Variants in CHL1 observed in about 807,000 individuals in gnomAD.
CHL1 encodes cell adhesion molecule L1 like.
Under a neutral mutation model 141.9 loss-of-function variants are expected in CHL1, and 96 were observed. The ratio of observed to expected loss-of-function variants is 0.68; its 90% confidence interval spans 0.57 to 0.80. CHL1 has a LOEUF of 0.80. CHL1 is among the 30% of genes least tolerant of loss of function. The pLI is 0.00. For synonymous variants in CHL1, 613 were observed against 502.2 expected (o/e 1.22, Z -2.95); for missense variants, 1,820 against 1,457.2 (o/e 1.25, Z -4.05).
intron 1 of CHL1, among the ~76,000 whole-genome samples, chr3:228,547 C>T (rs1701579352): frequency 6.6e-6 from 1 of 152,054 alleles, no homozygotes; most frequent in Non-Finnish European, 1.5e-5. Flanking sequence ...GGTTACTTTC[C>T]ATCTCTATTT....
chr3:202,448 G>A (rs950914086), intron 1 of CHL1, among the ~76,000 whole-genome samples: 2 of 152,140 alleles, frequency 1.3e-5, no homozygotes, highest in African/African-American at 4.8e-5. Context: ...ATATTTAAAA[G>A]GTTTTCGCAA....
intron 2 of CHL1, among the ~76,000 whole-genome samples, chr3:318,890 C>T (rs1467957845): frequency 2.6e-5 from 4 of 151,422 alleles, no homozygotes; most frequent in African/African-American, 7.3e-5. Context: ...TAAAAAAGAA[C>T]CACTTTTTAA....
rs527780759 is a variant in CHL1, at chr3:342,162, T to C, written c.679+80T>C. 3.5e-5 allele frequency: 46 copies of C among 1,309,342 alleles called. 1 individual carries two copies. In the South Asian group the frequency reaches 4.3e-4, roughly 12 times the overall value. The allele number at this position is 1,309,342 out of a possible 1,614,324, so 81.1% of individuals were successfully genotyped here. A position where few individuals can be genotyped will look rare whatever the true frequency, so the allele number is the denominator to read the frequency against. On this transcript the variant is annotated intron_variant, in intron 7 of 27. Coordinates refer to ENST00000256509, the MANE Select transcript of CHL1 (RefSeq NM_006614.4). Reference sequence around the variant, plus strand: ...TAATTTCCTTCTGGCTGAAGCCATTTAAAGCTGGGTTGATATTTTGCACCA... The same window carrying C: ...TAATTTCCTTCTGGCTGAAGCCATTCAAAGCTGGGTTGATATTTTGCACCA...
intron 1 of CHL1, among the ~76,000 whole-genome samples, chr3:202,172 C>T (rs566182119): frequency 6.6e-6 from 1 of 152,160 alleles, no homozygotes; most frequent in African/African-American, 2.4e-5. Context: ...CCATACTTAG[C>T]TCACATGTCA....
At position 304,057 on chromosome 3, in the gene CHL1, G is replaced by A. The variant is rs575810114; in HGVS notation, c.-94-15626G>A. The stretch of plus-strand genomic sequence containing the variant: ...GATTTGCATATGTTGAACCAGCCTT[G>A]CATCCCAGGTACGAAGCCAACTTCG... On this transcript the variant is annotated intron_variant, in intron 2 of 27. Transcript: ENST00000256509. Among the ~76,000 whole-genome samples the A allele has an allele frequency of 9.2e-4, 140 of 152,264 alleles. 1 individual carries two copies. Among genetic ancestry groups the A allele is most frequent in the Non-Finnish European group, 1.7e-3 (113 of 68,014 alleles).
At chr3:252,659 A>C (rs1485786325) in intron 2 of CHL1, among the ~76,000 whole-genome samples, 4 of 151,596 alleles carry the variant, frequency 2.6e-5, no homozygotes, top group African/African-American at 9.7e-5. Context: ...TGCCTTACTG[A>C]TTTTCCAAGG....
At chr3:397,661 T>G (rs1251682239) in intron 24 of CHL1, among the ~76,000 whole-genome samples, 2 of 152,130 alleles carry the variant, frequency 1.3e-5, no homozygotes, top group Non-Finnish European at 2.9e-5. Flanking sequence ...AAGTATTAAC[T>G]TCTCACACCA....
At chr3:269,952 G>A (rs1695491439) in intron 2 of CHL1, among the ~76,000 whole-genome samples, 1 of 152,182 alleles carries the variant, frequency 6.6e-6, no homozygotes, top group African/African-American at 2.4e-5. Context: ...CTGGAGGAAG[G>A]TGGGATGAAG....
At chr3:250,604 T>G (rs1319350560) in intron 2 of CHL1, among the ~76,000 whole-genome samples, 2 of 152,148 alleles carry the variant, frequency 1.3e-5, no homozygotes, top group Admixed American at 1.3e-4. Context: ...GTCCTCCTTT[T>G]AGGCCTATAG....
At chr3:354,904 A>G (rs1703583762) in intron 11 of CHL1, 133 bp downstream of exon 11, 1 of 1,135,200 alleles carries the variant, frequency 8.8e-7, no homozygotes, top group South Asian at 1.6e-5. Flanking sequence ...CAAATCAGAG[A>G]TTGTTTATTT....
intron 2 of CHL1, among the ~76,000 whole-genome samples, chr3:304,979 T>C (rs114392200): frequency 1.2e-3 from 185 of 152,278 alleles, no homozygotes; most frequent in African/African-American, 3.9e-3. Context: ...CTCTGATAAA[T>C]TATACTGGTA....
chr3:213,275 A>C (rs931166199), intron 1 of CHL1: 3 of 152,228 alleles, frequency 2.0e-5, no homozygotes, highest in African/African-American at 7.2e-5. Flanking sequence ...TGCTCAGAAC[A>C]CATCTAGGAT....
chr3:309,132 G>T (rs905497593), intron 2 of CHL1: 1 of 152,472 alleles, frequency 6.6e-6, no homozygotes, highest in African/African-American at 2.4e-5. Context: ...AGCCACAGAA[G>T]TTCCCGGGTC....
At chr3:278,974 C>A (rs1696398938) in intron 2 of CHL1, among the ~76,000 whole-genome samples, 1 of 152,146 alleles carries the variant, frequency 6.6e-6, no homozygotes. Context: ...CTTGAGCTTC[C>A]TCTCTCTTCT....
intron 2 of CHL1, among the ~76,000 whole-genome samples, chr3:256,358 C>T (rs409844): frequency 0.12 from 17,666 of 152,122 alleles, 1,358 homozygotes; most frequent in East Asian, 0.38. Flanking sequence ...ACAGCTATTG[C>T]ACCACTCTAA....
chr3:246,570 T>C (rs1179972711), intron 2 of CHL1: 5 of 152,100 alleles, frequency 3.3e-5, no homozygotes, highest in African/African-American at 9.7e-5. Context: ...CTTTTCAGAA[T>C]CTCTTGTTTG....
At chr3:303,434 C>T (rs1698941215) in intron 2 of CHL1, among the ~76,000 whole-genome samples, 1 of 152,028 alleles carries the variant, frequency 6.6e-6, no homozygotes, top group African/African-American at 2.4e-5. Context: ...GTTTGTAGTT[C>T]TTGAAGAGGC....
intron 10 of CHL1, among the ~76,000 whole-genome samples, chr3:352,477 T>C (rs1247932337): frequency 6.6e-6 from 1 of 152,214 alleles, no homozygotes; most frequent in Admixed American, 6.5e-5. Flanking sequence ...CATCTTATTT[T>C]TGTATTTACA....
chr3:388,895 A>C (rs1707994810), intron 19 of CHL1, among the ~76,000 whole-genome samples: 1 of 152,228 alleles, frequency 6.6e-6, no homozygotes, highest in Non-Finnish European at 1.5e-5. Context: ...TGTTCTTTGA[A>C]AATGAAAAGG....
Sources: gnomAD v4.1 joint callset for allele counts (sites outside exome capture counted in the v4.1 genomes callset) on GRCh38, gnomAD v4.1.1 for gene constraint, MANE v1.5 for transcripts, NCBI Gene and HGNC (gene_info 2026-07-23, HGNC 2026-07-21) for gene names.